The following TENT4B variants were observed in gnomAD, a reference collection of about 807,000 sequenced individuals.
TENT4B encodes terminal nucleotidyltransferase 4B.
TENT4B carries 10 observed loss-of-function variants against 75.0 expected under a neutral mutation model. The ratio of observed to expected loss-of-function variants is 0.13; its 90% CI spans 0.08 to 0.23. TENT4B has a LOEUF of 0.23. TENT4B is among the 10% of genes least tolerant of loss of function. The pLI is 1.00. For synonymous variants in TENT4B, 350 were observed against 357.7 expected (o/e 0.98, Z 0.24); for missense variants, 579 against 893.8 (o/e 0.65, Z 4.49).
At chr16:50,187,717 A>G (rs963079227) in intron 1 of TENT4B, among the ~76,000 whole-genome samples, 4 of 151,944 alleles carry the variant, frequency 2.6e-5, no homozygotes, top group African/African-American at 9.7e-5. Flanking sequence ...TATTTTTATT[A>G]TTATGTTACT....
intron 1 of TENT4B, among the ~76,000 whole-genome samples, chr16:50,190,094 C>A (rs200161587): frequency 0.015 from 285 of 19,584 alleles, 21 homozygotes; most frequent in Non-Finnish European, 0.027. Context: ...AAAAAAAAAA[C>A]AAAGAAAAGA....
rs905383011 is a variant in TENT4B at position 50,154,069 on chromosome 16, C to G, written c.448C>G (p.Pro150Ala). ...HPSAAVPAAD[P>A]ADSASGSSNK... The stretch of plus-strand genomic sequence containing the variant: ...TTCGGCCGCCGTCCCCGCCGCCGAT[C>G]CAGCCGATTCGGCCTCGGGCAGCAG... The change falls in exon 1 of 12, where the codon CCA (proline) becomes GCA (alanine). Residue 150 changes from proline to alanine, a missense_variant. Pro to Ala is a conservative substitution (Grantham distance 27). Around this residue, in one of 7 missense-constraint regions of TENT4B, gnomAD observed 253 missense variants for 270.1 expected, o/e 0.94. Transcript: ENST00000561678. 6.5e-7 allele frequency: 1 copy of G among 1,532,208 alleles called. No homozygotes were observed. Among genetic ancestry groups the G allele is most frequent in the Non-Finnish European group, 8.7e-7 (1 of 1,145,318 alleles). 94.9% of individuals were successfully genotyped at this position (1,532,208 alleles called of 1,614,324 possible).
Position 50,229,456 on chromosome 16 carries a change from TC to T in TENT4B, c.*131del. 1.5e-6 allele frequency: 2 copies of T among 1,306,606 alleles called. No homozygotes were observed. Among genetic ancestry groups the T allele is most frequent in the Non-Finnish European group, 1.9e-6 (2 of 1,030,360 alleles). 80.9% of individuals were successfully genotyped at this position (1,306,606 alleles called of 1,614,324 possible). The stretch of plus-strand genomic sequence containing the variant: ...ACGTTGACTTAGCAACTGCGTTTTT[TC>T]CCAGCTCGCCACAGAATGGATCATG... On this transcript the variant is annotated 3_prime_UTR_variant, in exon 12 of 12. Coordinates refer to ENST00000561678, the MANE Select transcript of TENT4B (RefSeq NM_001365324.3).
intron 1 of TENT4B, among the ~76,000 whole-genome samples, chr16:50,173,180 G>A (rs991972739): frequency 1.3e-5 from 2 of 152,132 alleles, no homozygotes; most frequent in African/African-American, 4.8e-5. Flanking sequence ...CTGTCCTCAG[G>A]TGATCCACCC....
At chr16:50,188,421 G>A (rs548567195) in intron 1 of TENT4B, among the ~76,000 whole-genome samples, 1 of 152,342 alleles carries the variant, frequency 6.6e-6, no homozygotes, top group Non-Finnish European at 1.5e-5. Flanking sequence ...AAATTGTATT[G>A]TTTGGCCTTA....
intron 1 of TENT4B, among the ~76,000 whole-genome samples, chr16:50,176,929 G>A (rs142423799): frequency 3.5e-4 from 53 of 152,084 alleles, no homozygotes; most frequent in African/African-American, 1.1e-3. Flanking sequence ...TCTGGTTTAG[G>A]GTAATGCTGG....
rs1380552513 is a variant in TENT4B, at chr16:50,232,962, T to C, written c.*3634T>C. ...ATTCCCAATTTTGCTGTGATAAATA[T>C]TGAAATGTTAAAATTAATGAACAGA... On this transcript the variant is annotated 3_prime_UTR_variant, in exon 12 of 12. Coordinates refer to ENST00000561678, the MANE Select transcript of TENT4B (RefSeq NM_001365324.3). 5.1e-6 allele frequency: 5 copies of C among 984,912 alleles called. No homozygotes were observed. The highest frequency in any genetic ancestry group is 5.2e-4 in the Middle Eastern group (1 of 1,936). The allele number at this position is 984,912 out of a possible 1,614,324, so 61.0% of individuals were successfully genotyped here. A position where few individuals can be genotyped will look rare whatever the true frequency, so the allele number is the denominator to read the frequency against.
intron 1 of TENT4B, among the ~76,000 whole-genome samples, chr16:50,196,946 AAAT>A (rs2030298676): frequency 6.6e-6 from 1 of 151,854 alleles, no homozygotes; most frequent in Non-Finnish European, 1.5e-5. Flanking sequence ...AAAAAAAAAA[AAAT>A]AGTACAACTT....
At position 50,210,395 on chromosome 16, in the gene TENT4B, C is replaced by T. The variant is rs115575914; in HGVS notation, c.639-928C>T. Among the ~76,000 whole-genome samples, 863 of 152,348 alleles carry T rather than the reference C, an allele frequency of 5.7e-3. 9 individuals are homozygous for T. Among genetic ancestry groups the T allele is most frequent in the African/African-American group, 0.019 (796 of 41,574 alleles). Reference sequence around the variant, plus strand: ...CCTTGAAGGCATCCTTAGCCCCCCACCACCATGATAGTCAGGCGCTGCGCC... The same window carrying T: ...CCTTGAAGGCATCCTTAGCCCCCCATCACCATGATAGTCAGGCGCTGCGCC... On this transcript the variant is annotated intron_variant, in intron 1 of 11. Transcript: ENST00000561678.
At chr16:50,218,901 T>C (rs1168611840) in intron 5 of TENT4B, among the ~76,000 whole-genome samples, 1 of 152,230 alleles carries the variant, frequency 6.6e-6, no homozygotes, top group Non-Finnish European at 1.5e-5. Context: ...TTAACTCCTT[T>C]GGCTTCTGTT....
intron 3 of TENT4B, 71 bp from the exon 4 acceptor site, chr16:50,216,004 T>A: frequency 6.3e-7 from 1 of 1,585,106 alleles, no homozygotes; most frequent in East Asian, 2.2e-5. Flanking sequence ...ATGAAGTCTA[T>A]AAGCATGAGT....
At chr16:50,223,480 G>A in intron 7 of TENT4B, 93 bp downstream of exon 7, 9 of 780,556 alleles carry the variant, frequency 1.2e-5, no homozygotes, top group South Asian at 6.5e-5. Context: ...GAAAAATGAA[G>A]GAACAACTTC....
chr16:50,212,112 G>A (rs562130435), intron 2 of TENT4B, among the ~76,000 whole-genome samples: 6 of 152,296 alleles, frequency 3.9e-5, no homozygotes, highest in African/African-American at 1.4e-4. Flanking sequence ...TGAGGCTGGA[G>A]TGCAATAGTG....
rs1345159517 is a variant in TENT4B at position 50,177,907 on chromosome 16, A to C, written c.638+23648A>C. Reference sequence around the variant, plus strand: ...GCACTGCTTTCTCTATATCTTACAAATTTTGATGTCATATTTTCATTTTCA... The same window carrying C: ...GCACTGCTTTCTCTATATCTTACAACTTTTGATGTCATATTTTCATTTTCA... On this transcript the variant is annotated intron_variant, in intron 1 of 11. Coordinates refer to ENST00000561678, the MANE Select transcript of TENT4B (RefSeq NM_001365324.3). Among the ~76,000 whole-genome samples, 4 of 151,970 alleles carry C rather than the reference A, an allele frequency of 2.6e-5. No individual in the cohort carries two copies. In the East Asian group the frequency reaches 7.7e-4, roughly 29 times the overall value.
At chr16:50,208,720 G>A (rs1237311100) in intron 1 of TENT4B, among the ~76,000 whole-genome samples, 1 of 151,960 alleles carries the variant, frequency 6.6e-6, no homozygotes, top group African/African-American at 2.4e-5. Flanking sequence ...ACTTGGTAGT[G>A]TTTAGAGAAT....
At chr16:50,154,984 A>G (rs905488942) in intron 1 of TENT4B, among the ~76,000 whole-genome samples, 4 of 152,156 alleles carry the variant, frequency 2.6e-5, no homozygotes, top group Admixed American at 6.6e-5. Flanking sequence ...CCAGGAGTTC[A>G]TGGTCCGCGG....
chr16:50,164,370 C>T (rs1486517340), intron 1 of TENT4B, among the ~76,000 whole-genome samples: 4 of 151,144 alleles, frequency 2.6e-5, no homozygotes, highest in South Asian at 2.1e-4. Flanking sequence ...AGTGCAGTGG[C>T]GCTATCTTGG....
intron 1 of TENT4B, among the ~76,000 whole-genome samples, chr16:50,178,928 T>G (rs975342612): frequency 1.3e-5 from 2 of 152,192 alleles, no homozygotes; most frequent in Non-Finnish European, 2.9e-5. Flanking sequence ...TTAATACCAC[T>G]GAACTGTACA....
rs1409745234 is a variant in TENT4B at position 50,234,337 on chromosome 16, G to A, written c.*5009G>A. Reference sequence around the variant, plus strand: ...GGTAGGGGAGGGAAAGGAGGACTTGGAAAAGCATTCTCCAAAGCCAGCAAC... The same window carrying A: ...GGTAGGGGAGGGAAAGGAGGACTTGAAAAAGCATTCTCCAAAGCCAGCAAC... On this transcript the variant is annotated 3_prime_UTR_variant, in exon 12 of 12. Transcript: ENST00000561678. 21 of 966,856 alleles carry A rather than the reference G, an allele frequency of 2.2e-5. No homozygotes were observed. The highest frequency in any genetic ancestry group is 2.4e-5 in the Non-Finnish European group (20 of 822,318). The allele number at this position is 966,856 out of a possible 1,614,324, so 59.9% of individuals were successfully genotyped here. A position where few individuals can be genotyped will look rare whatever the true frequency, so the allele number is the denominator to read the frequency against.
Sources: gnomAD v4.1 joint callset for allele counts (sites outside exome capture counted in the v4.1 genomes callset) on GRCh38, gnomAD v4.1.1 for gene constraint, gnomAD v4.1.1 regional missense constraint, MANE v1.5 for transcripts, NCBI Gene and HGNC (gene_info 2026-07-23, HGNC 2026-07-21) for gene names.